Variants in PARP8 observed in about 807,000 individuals in gnomAD.
PARP8 encodes the protein poly(ADP-ribose) polymerase family member 8, also known as protein mono-ADP-ribosyltransferase PARP8.
Under a neutral mutation model 124.1 loss-of-function variants are expected in PARP8, and 51 were observed. The ratio of observed to expected loss-of-function variants is 0.41; its 90% CI spans 0.33 to 0.52. PARP8 has a LOEUF of 0.52. Among genes scored for constraint, PARP8 ranks in the 20% least tolerant of loss-of-function variants. The probability of loss-of-function intolerance (pLI) is 0.21; values close to 1 mark genes in which losing one functional copy is unlikely to be tolerated. For missense variants in PARP8, 860 were observed against 1,018.9 expected, an observed-to-expected ratio of 0.84 and a Z score of 2.12; for synonymous variants, 391 against 361.5, an observed-to-expected ratio of 1.08 and a Z score of -0.93.
intron 9 of PARP8, 39 bp downstream of exon 9, chr5:50,778,689 T>C (rs1343441714): frequency 7.1e-7 from 1 of 1,405,836 alleles, no homozygotes; most frequent in Non-Finnish European, 9.8e-7. Flanking sequence ...TGAATATTAA[T>C]TAGCTGTGCA....
chr5:50,826,741 C>A lies in PARP8; in HGVS notation c.1929-14C>A. The A allele has an allele frequency of 6.4e-7, 1 of 1,573,408 alleles. No individual in the cohort carries two copies. On this transcript the variant is annotated splice_polypyrimidine_tract_variant and intron_variant, in intron 18 of 25. Transcript: ENST00000281631. ...TGGCATGTATTTGTGACTAATGGAT[C>A]ATTTTAATTTCAGGGTTATATCAAG... is the stretch of plus-strand genomic sequence containing the variant.
At chr5:50,666,561 G>C (rs1029952302), upstream of PARP8, 1 of 150,204 alleles carries the variant, frequency 6.7e-6, no homozygotes, top group Non-Finnish European at 1.5e-5. Flanking sequence ...GGGCGCGGAG[G>C]GTCTGCGGCG....
At chr5:50,694,728 A>G (rs553628779) in intron 2 of PARP8, among the ~76,000 whole-genome samples, 7 of 152,302 alleles carry the variant, frequency 4.6e-5, no homozygotes, top group East Asian at 1.9e-4. Flanking sequence ...GACTCACACA[A>G]TCACAAGGTG....
At chr5:50,750,653 G>C (rs906258004) in intron 3 of PARP8, among the ~76,000 whole-genome samples, 1 of 151,952 alleles carries the variant, frequency 6.6e-6, no homozygotes, top group African/African-American at 2.4e-5. Context: ...TACTTGTTTA[G>C]CATTTAAGTA....
chr5:50,678,043 T>TAA (rs1750839762), intron 2 of PARP8, among the ~76,000 whole-genome samples: 1 of 152,178 alleles, frequency 6.6e-6, no homozygotes, highest in African/African-American at 2.4e-5. Flanking sequence ...ATTGATAACT[T>TAA]ATGGTTTTAG....
chr5:50,749,129 G>A (rs1410821167), intron 2 of PARP8, among the ~76,000 whole-genome samples: 1 of 152,024 alleles, frequency 6.6e-6, no homozygotes, highest in Admixed American at 6.6e-5. Flanking sequence ...CTTGAAAATA[G>A]GTTACATTTT....
intron 7 of PARP8, among the ~76,000 whole-genome samples, chr5:50,770,517 G>T (rs897848136): frequency 6.6e-6 from 1 of 151,186 alleles, no homozygotes; most frequent in African/African-American, 2.4e-5. Context: ...TTTTTAAAAG[G>T]GTTGGAGAAA....
chr5:50,749,283 A>G (rs547795364), intron 2 of PARP8, among the ~76,000 whole-genome samples: 36 of 152,210 alleles, frequency 2.4e-4, no homozygotes, highest in Non-Finnish European at 3.8e-4. Flanking sequence ...GGCTGAACAC[A>G]AACTAAAATT....
At chr5:50,701,366 A>G (rs1753575663) in intron 2 of PARP8, among the ~76,000 whole-genome samples, 1 of 152,176 alleles carries the variant, frequency 6.6e-6, no homozygotes, top group Non-Finnish European at 1.5e-5. Context: ...GATACGGATC[A>G]TGGTACATCA....
intron 2 of PARP8, among the ~76,000 whole-genome samples, chr5:50,704,701 G>A (rs79784687): frequency 0.043 from 6,586 of 152,218 alleles, 455 homozygotes; most frequent in African/African-American, 0.15. Context: ...TGGAATGATA[G>A]TGTTTTGGCT....
At chr5:50,760,138 ACTC>A (rs1760398004) in intron 4 of PARP8, among the ~76,000 whole-genome samples, 151 bp from the exon 5 acceptor site, 1 of 152,102 alleles carries the variant, frequency 6.6e-6, no homozygotes, top group Non-Finnish European at 1.5e-5. Context: ...GTATTGTGTA[ACTC>A]CTCAACATGA....
intron 2 of PARP8, among the ~76,000 whole-genome samples, chr5:50,743,910 C>T (rs1758291612): frequency 6.6e-6 from 1 of 152,008 alleles, no homozygotes; most frequent in South Asian, 2.1e-4. Context: ...TGGGATCTAA[C>T]TGGGAGGGAT....
chr5:50,752,773 G>C (rs538151166), intron 3 of PARP8, among the ~76,000 whole-genome samples: 1 of 151,974 alleles, frequency 6.6e-6, no homozygotes, highest in Non-Finnish European at 1.5e-5. Flanking sequence ...TGGATTATTT[G>C]GATCAGTTAT....
At chr5:50,808,607 A>T (rs531836828) in intron 14 of PARP8, among the ~76,000 whole-genome samples, 1 of 151,976 alleles carries the variant, frequency 6.6e-6, no homozygotes, top group Admixed American at 6.6e-5. Context: ...TGTTGTGGAA[A>T]CCTGTCTCAT....
intron 15 of PARP8, among the ~76,000 whole-genome samples, chr5:50,820,462 A>G (rs112307702): frequency 2.5e-4 from 38 of 152,324 alleles, no homozygotes; most frequent in African/African-American, 8.2e-4. Flanking sequence ...CCATGCTATC[A>G]AACTGCTATA....
At chr5:50,725,063 T>C (rs1561292313) in intron 2 of PARP8, among the ~76,000 whole-genome samples, 1 of 92,356 alleles carries the variant, frequency 1.1e-5, no homozygotes, top group African/African-American at 4.4e-5. Context: ...TAGTATTCCA[T>C]TGTGTGTGTA....
chr5:50,838,144 A>G (rs1414321473), intron 25 of PARP8, among the ~76,000 whole-genome samples: 1 of 152,156 alleles, frequency 6.6e-6, no homozygotes, highest in Non-Finnish European at 1.5e-5. Context: ...ATATACAAAT[A>G]GGAACCCATT....
intron 2 of PARP8, among the ~76,000 whole-genome samples, chr5:50,732,811 G>A (rs1296439017): frequency 6.6e-6 from 1 of 151,596 alleles, no homozygotes; most frequent in Non-Finnish European, 1.5e-5. Flanking sequence ...TTAGAGACGG[G>A]GTTGCACCGT....
Position 50,845,301 on chromosome 5 carries a change from C to T in PARP8, c.*3233C>T, listed in dbSNP as rs1353724072. The stretch of plus-strand genomic sequence containing the variant: ...TTTCAGAAAGTTTTGACGAAAAACT[C>T]ATCTTCATTAAAGAGTCTGGATAAC... On this transcript the variant is annotated 3_prime_UTR_variant, in exon 26 of 26. Coordinates refer to ENST00000281631, the MANE Select transcript of PARP8 (RefSeq NM_024615.4). 6.6e-6 allele frequency: 1 copy of T among 151,620 alleles called. No individual in the cohort carries two copies. The highest frequency in any genetic ancestry group is 2.4e-5 in the African/African-American group (1 of 41,356). The allele number at this position is 151,620 out of a possible 1,614,324, so 9.4% of individuals were successfully genotyped here.
Sources: allele counts gnomAD v4.1 joint callset (sites outside exome capture counted in the v4.1 genomes callset), GRCh38; gene constraint gnomAD v4.1.1; transcripts MANE v1.5; gene names NCBI Gene and HGNC (gene_info 2026-07-23, HGNC 2026-07-21).